The following CRB1 variants were observed in gnomAD, a reference collection of about 807,000 sequenced individuals.
The protein encoded by CRB1 is protein crumbs homolog 1.
A neutral mutation model predicts 120.0 loss-of-function variants in CRB1; 83 were observed. The ratio of observed to expected loss-of-function variants is 0.69; its 90% CI spans 0.58 to 0.83. The LOEUF is 0.83. CRB1 is among the 40% of genes least tolerant of loss of function. CRB1 has a pLI of 0.00. For synonymous variants in CRB1, 625 were observed against 612.5 expected (o/e 1.02, Z -0.30); for missense variants, 1,699 against 1,687.6 (o/e 1.01, Z -0.12).
intron 11 of CRB1, chr1:197,447,420 TCTC>T (rs1402195879): frequency 2.0e-5 from 3 of 152,300 alleles, no homozygotes; most frequent in Non-Finnish European, 4.4e-5. Context: ...ATCGCATACT[TCTC>T]CTCACCTTTG....
intron 5 of CRB1, among the ~76,000 whole-genome samples, chr1:197,420,752 A>G (rs1488246234): frequency 6.6e-6 from 1 of 152,240 alleles, no homozygotes; most frequent in African/African-American, 2.4e-5. Flanking sequence ...AATCAATCAC[A>G]GTATTTGGCA....
chr1:197,374,651 A>G (rs1434642322), intron 5 of CRB1, among the ~76,000 whole-genome samples: 1 of 152,230 alleles, frequency 6.6e-6, no homozygotes, highest in Non-Finnish European at 1.5e-5. Flanking sequence ...AAGGTTTTAC[A>G]TTCAATTTCA....
At chr1:197,313,685 T>C (rs192279172) in intron 1 of CRB1, among the ~76,000 whole-genome samples, 1 of 152,330 alleles carries the variant, frequency 6.6e-6, no homozygotes, top group East Asian at 1.9e-4. Flanking sequence ...CATGTATAAG[T>C]GAGAACATGT....
At position 197,345,502 on chromosome 1, in the gene CRB1, CTTTTTTTTTTT is replaced by C. The variant is rs972072957; in HGVS notation, c.848+1040_848+1050del. On this transcript the variant is annotated intron_variant, in intron 3 of 11. Coordinates refer to ENST00000367400, the MANE Select transcript of CRB1 (RefSeq NM_201253.3). ...CTTCAAAAATTTGCAAAAATAATGA[CTTTTTTTTTTT>C]TTTTTTTTTTTTTGAGATGGAGTCT... Among the ~76,000 whole-genome samples the C allele has an allele frequency of 3.3e-5, 3 of 90,594 alleles. No homozygotes were observed. In the Admixed American group the frequency reaches 3.8e-4, roughly 11 times the overall value. The allele number at this position is 90,594 out of a possible 152,430, so 59.4% of individuals were successfully genotyped here.
chr1:197,412,104 T>G (rs1663741918), intron 5 of CRB1, among the ~76,000 whole-genome samples: 1 of 152,246 alleles, frequency 6.6e-6, no homozygotes, highest in Admixed American at 6.5e-5. Context: ...GGAACACATT[T>G]CTCTCTGTAA....
chr1:197,273,430 A>G (rs1308190219), intron 1 of CRB1, among the ~76,000 whole-genome samples: 1 of 152,060 alleles, frequency 6.6e-6, no homozygotes, highest in East Asian at 1.9e-4. Flanking sequence ...CTATAAAGTT[A>G]TGTCTTTTAT....
At chr1:197,382,257 C>G (rs1661994440) in intron 5 of CRB1, among the ~76,000 whole-genome samples, 1 of 152,118 alleles carries the variant, frequency 6.6e-6, no homozygotes, top group African/African-American at 2.4e-5. Flanking sequence ...GCACCTGGTG[C>G]AAAGAAAGTT....
upstream of CRB1, among the ~76,000 whole-genome samples, chr1:197,264,365 A>C (rs899579567): frequency 1.3e-4 from 20 of 152,224 alleles, no homozygotes; most frequent in African/African-American, 4.8e-4. Flanking sequence ...TCTTTATCCA[A>C]TCATCCATTG....
intron 5 of CRB1, among the ~76,000 whole-genome samples, chr1:197,390,402 G>A (rs763078620): frequency 6.6e-6 from 1 of 152,050 alleles, no homozygotes; most frequent in Non-Finnish European, 1.5e-5. Context: ...CAGTGGGAAG[G>A]GTGCTTATAT....
intron 4 of CRB1, among the ~76,000 whole-genome samples, chr1:197,355,004 T>A (rs1660383947): frequency 6.6e-6 from 1 of 151,796 alleles, no homozygotes; most frequent in Non-Finnish European, 1.5e-5. Context: ...TTGGTGTATT[T>A]ACAATCCCTT....
the CRB1 span, among the ~76,000 whole-genome samples, chr1:197,237,790 G>C: frequency 2.0e-5 from 3 of 151,922 alleles, no homozygotes; most frequent in African/African-American, 7.3e-5. Context: ...CAATTTTATT[G>C]ATTATTTGAA....
intron 1 of CRB1, among the ~76,000 whole-genome samples, chr1:197,303,062 T>C (rs1656961424): frequency 6.6e-6 from 1 of 152,114 alleles, no homozygotes; most frequent in South Asian, 2.1e-4. Context: ...TTATCAGTTA[T>C]TTGCTAAAAT....
At chr1:197,294,154 A>G (rs1656370856) in intron 1 of CRB1, among the ~76,000 whole-genome samples, 1 of 152,188 alleles carries the variant, frequency 6.6e-6, no homozygotes, top group Non-Finnish European at 1.5e-5. Flanking sequence ...AAATTTTTGC[A>G]ATCTGCACAT....
At chr1:197,396,176 G>A (rs1300206574) in intron 5 of CRB1, among the ~76,000 whole-genome samples, 1 of 152,010 alleles carries the variant, frequency 6.6e-6, no homozygotes, top group Non-Finnish European at 1.5e-5. Flanking sequence ...AAAATTAGTT[G>A]TTTTTATACG....
the CRB1 span, among the ~76,000 whole-genome samples, chr1:197,215,810 A>G: frequency 1.3e-5 from 2 of 152,186 alleles, no homozygotes; most frequent in South Asian, 2.1e-4. Context: ...CTTCCCGAAT[A>G]AAGGACCCCA....
At chr1:197,455,093 A>C (rs1420697922) in intron 11 of CRB1, among the ~76,000 whole-genome samples, 2 of 152,162 alleles carry the variant, frequency 1.3e-5, no homozygotes, top group Non-Finnish European at 2.9e-5. Context: ...AGTGAAAGAG[A>C]GCAACACTAT....
chr1:197,374,164 C>T (rs1207245936), intron 5 of CRB1, among the ~76,000 whole-genome samples: 2 of 152,034 alleles, frequency 1.3e-5, no homozygotes, highest in African/African-American at 2.4e-5. Flanking sequence ...GAGGATGGAT[C>T]CAGATAATGA....
chr1:197,449,966 G>T (rs926957704), intron 11 of CRB1, among the ~76,000 whole-genome samples: 1 of 152,184 alleles, frequency 6.6e-6, no homozygotes, highest in African/African-American at 2.4e-5. Flanking sequence ...AAGCCTGTAA[G>T]ATTGCAAACG....
intron 5 of CRB1, among the ~76,000 whole-genome samples, chr1:197,409,358 G>GT (rs576535390): frequency 2.6e-5 from 4 of 151,700 alleles, no homozygotes; most frequent in African/African-American, 7.3e-5. Flanking sequence ...TGGGAAAAAT[G>GT]TTTTTTTTAA....
Sources: gnomAD v4.1 joint callset for allele counts (sites outside exome capture counted in the v4.1 genomes callset) on GRCh38, gnomAD v4.1.1 for gene constraint, MANE v1.5 for transcripts, NCBI Gene and HGNC (gene_info 2026-07-23, HGNC 2026-07-21) for gene names.